EYS: variants seen among roughly 807,000 people sequenced by gnomAD.
The protein encoded by EYS is EGF-like photoreceptor maintenance factor.
Under a neutral mutation model 282.1 loss-of-function variants are expected in EYS, and 250 were observed. The ratio of observed to expected loss-of-function variants is 0.89; its 90% CI spans 0.80 to 0.98. The LOEUF (loss-of-function observed/expected upper bound fraction) is 0.98. EYS is among the 50% of genes least tolerant of loss of function. The pLI, the probability that EYS is intolerant of heterozygous loss-of-function variation, is 0.00. For missense variants in EYS, 4,016 were observed against 3,709.0 expected (o/e 1.08, Z -2.15); for synonymous variants, 1,355 against 1,282.9 (o/e 1.06, Z -1.20).
At chr6:63,925,861 G>A (rs1764701890) in intron 35 of EYS, among the ~76,000 whole-genome samples, 2 of 152,042 alleles carry the variant, frequency 1.3e-5, no homozygotes, top group South Asian at 4.2e-4. Context: ...AGCCAGGATG[G>A]TCTAGATCTC....
intron 35 of EYS, among the ~76,000 whole-genome samples, chr6:63,875,703 G>T (rs1217302318): frequency 2.0e-5 from 3 of 151,824 alleles, no homozygotes; most frequent in African/African-American, 7.3e-5. Flanking sequence ...GTCTTGGGAG[G>T]GTGTATGTGT....
At chr6:65,123,472 C>T (rs561964715) in intron 12 of EYS, among the ~76,000 whole-genome samples, 4 of 151,982 alleles carry the variant, frequency 2.6e-5, no homozygotes, top group African/African-American at 9.7e-5. Flanking sequence ...AGGACACTTC[C>T]CCTTCCACCA....
intron 22 of EYS, among the ~76,000 whole-genome samples, chr6:64,758,020 C>T (rs1773013836): frequency 1.3e-5 from 2 of 152,074 alleles, no homozygotes; most frequent in Non-Finnish European, 1.5e-5. Context: ...CTGATCTGCC[C>T]GCCTCGGCCT....
intron 2 of EYS, among the ~76,000 whole-genome samples, chr6:65,596,253 A>C (rs888177031): frequency 1.3e-5 from 2 of 152,102 alleles, no homozygotes; most frequent in African/African-American, 4.8e-5. Flanking sequence ...GAGGAACAAA[A>C]CTGAACTACA....
intron 36 of EYS, among the ~76,000 whole-genome samples, chr6:63,859,641 G>GA (rs199714551): frequency 0.012 from 1,130 of 94,220 alleles, 10 homozygotes; most frequent in African/African-American, 0.028. Context: ...ACTGCCACCA[G>GA]AAAAAAAAAA....
intron 31 of EYS, among the ~76,000 whole-genome samples, chr6:64,125,143 A>ACTCTCTCTCTCTCT (rs1562213495): frequency 2.0e-5 from 3 of 147,296 alleles, no homozygotes; most frequent in African/African-American, 8.0e-5. Context: ...ACACACACAC[A>ACTCTCTCTCTCTCT]CACACTCTCT....
intron 12 of EYS, among the ~76,000 whole-genome samples, chr6:65,155,436 T>C (rs1031179911): frequency 6.6e-5 from 10 of 151,566 alleles, no homozygotes; most frequent in African/African-American, 2.2e-4. Context: ...ACTGAAGCAA[T>C]TGCTATTACT....
intron 12 of EYS, among the ~76,000 whole-genome samples, chr6:65,233,547 C>T (rs918712438): frequency 6.6e-6 from 1 of 151,966 alleles, no homozygotes; most frequent in African/African-American, 2.4e-5. Context: ...GGAGTTTTAC[C>T]CTTTTACTGT....
intron 12 of EYS, among the ~76,000 whole-genome samples, chr6:65,133,638 C>G (rs995204912): frequency 2.6e-5 from 4 of 152,058 alleles, no homozygotes; most frequent in African/African-American, 7.2e-5. Context: ...GGATTAAACA[C>G]TTAAATGTAA....
Position 64,448,229 on chromosome 6 carries a change from G to T in EYS, c.5645-8877C>A, listed in dbSNP as rs530958604. On this transcript the variant is annotated intron_variant, in intron 26 of 42. Transcript: ENST00000503581. ...ATTATATCCCGCAGGTGGCTCTGAA[G>T]GTCCTATGCCCACGGAGCCTTGCTG... 9.2e-5 allele frequency among the ~76,000 whole-genome samples: 14 copies of T among 152,340 alleles called. No homozygotes were observed. In the South Asian group the frequency reaches 2.9e-3, roughly 32 times the overall value.
In EYS at chr6:63,953,543, A is replaced by G. The variant is rs1167639581; in HGVS notation, c.7055+30840T>C. On this transcript the variant is annotated intron_variant, in intron 35 of 42. Transcript: ENST00000503581. ...ATGTCTGGCTAAACTCCAAAACCCC[A>G]ACCCTTTCTACAAAACAACAACTCC... Among the ~76,000 whole-genome samples, 3 of 152,136 alleles carry G rather than the reference A, an allele frequency of 2.0e-5. No homozygotes were observed. In the East Asian group the frequency reaches 5.8e-4, roughly 29 times the overall value.
At chr6:65,427,571 CA>C (rs895211374) in intron 5 of EYS, among the ~76,000 whole-genome samples, 1 of 151,686 alleles carries the variant, frequency 6.6e-6, no homozygotes, top group Non-Finnish European at 1.5e-5. Flanking sequence ...TTTTTCATTA[CA>C]GGGGTAGAAT....
rs114410221 is a variant in EYS at position 65,233,582 on chromosome 6, G to C, written c.2023+62281C>G. The stretch of plus-strand genomic sequence containing the variant: ...TTGGATATGTGTGTGTGGCTTGGAG[G>C]CTGCAATCATTATTTAGGGAGTTTA... On this transcript the variant is annotated intron_variant, in intron 12 of 42. Coordinates refer to ENST00000503581, the MANE Select transcript of EYS (RefSeq NM_001142800.2). Among the ~76,000 whole-genome samples, 1,368 of 152,216 alleles carry C rather than the reference G, an allele frequency of 9.0e-3. 29 individuals are homozygous for C. Among genetic ancestry groups the C allele is most frequent in the African/African-American group, 0.031 (1,284 of 41,536 alleles).
intron 12 of EYS, among the ~76,000 whole-genome samples, chr6:65,273,228 T>C (rs2150267856): frequency 6.6e-6 from 1 of 152,294 alleles, no homozygotes; most frequent in African/African-American, 2.4e-5. Context: ...ACTTTGACTA[T>C]ACAGTTACCA....
chr6:64,224,561 G>T lies in EYS; in HGVS notation c.6424+6031C>A, dbSNP rs114548481. Among the ~76,000 whole-genome samples, 214 of 151,944 alleles carry T rather than the reference G, an allele frequency of 1.4e-3. 1 individual carries two copies. Among genetic ancestry groups the T allele is most frequent in the African/African-American group, 4.9e-3 (204 of 41,446 alleles). The stretch of plus-strand genomic sequence containing the variant: ...CTCCTTCAAGTATTTGTTCATTCTG[G>T]TTTCTTTTAAGTATCATTTAAACTG... On this transcript the variant is annotated intron_variant, in intron 31 of 42. Transcript: ENST00000503581.
intron 28 of EYS, among the ~76,000 whole-genome samples, chr6:64,433,695 T>C (rs1052326231): frequency 3.9e-5 from 6 of 152,090 alleles, no homozygotes; most frequent in African/African-American, 1.4e-4. Context: ...TTAAGTATTC[T>C]TAAAAGTGAC....
chr6:63,869,517 C>A (rs1581914569), intron 35 of EYS, among the ~76,000 whole-genome samples: 1 of 152,122 alleles, frequency 6.6e-6, no homozygotes, highest in East Asian at 1.9e-4. Flanking sequence ...GGCCTTGTGA[C>A]CCTCTAGTTC....
chr6:64,575,733 G>A (rs1582911970), intron 26 of EYS, among the ~76,000 whole-genome samples: 1 of 152,144 alleles, frequency 6.6e-6, no homozygotes, highest in South Asian at 2.1e-4. Context: ...TAAAATTCAG[G>A]ACAAGCACCA....
chr6:64,131,680 T>C (rs2150282127), intron 31 of EYS, among the ~76,000 whole-genome samples: 1 of 152,292 alleles, frequency 6.6e-6, no homozygotes, highest in Non-Finnish European at 1.5e-5. Context: ...GAAAAATGGC[T>C]GACTTTCAGT....
Sources: gnomAD v4.1 joint callset for allele counts (sites outside exome capture counted in the v4.1 genomes callset) on GRCh38, gnomAD v4.1.1 for gene constraint, MANE v1.5 for transcripts, NCBI Gene and HGNC (gene_info 2026-07-23, HGNC 2026-07-21) for gene names.